The following SLC35F1 variants were observed in gnomAD, a reference collection of about 807,000 sequenced individuals.
The protein encoded by SLC35F1 is chromosome 6 open reading frame 169.
In SLC35F1, 14 loss-of-function variants were observed where a neutral mutation model predicts 48.7. That is an observed-to-expected ratio of 0.29 (90% confidence interval 0.19 to 0.45). The LOEUF is 0.45. SLC35F1 is among the 20% of genes least tolerant of loss of function. SLC35F1 has a pLI of 1.00. For missense variants in SLC35F1, 404 were observed against 500.0 expected (o/e 0.81, Z 1.83); for synonymous variants, 190 against 202.2 (o/e 0.94, Z 0.51).
At chr6:118,193,582 T>C (rs1424630977) in intron 2 of SLC35F1, among the ~76,000 whole-genome samples, 2 of 152,234 alleles carry the variant, frequency 1.3e-5, no homozygotes. Context: ...TACATTTTAC[T>C]TTCTTTACAT....
At chr6:117,988,575 G>C (rs2114855903) in intron 1 of SLC35F1, among the ~76,000 whole-genome samples, 1 of 152,194 alleles carries the variant, frequency 6.6e-6, no homozygotes, top group East Asian at 1.9e-4. Flanking sequence ...TGTGAAAGTT[G>C]TTTCAATGAT....
intron 1 of SLC35F1, among the ~76,000 whole-genome samples, chr6:117,998,669 A>G (rs970713115): frequency 6.6e-6 from 1 of 152,260 alleles, no homozygotes; most frequent in African/African-American, 2.4e-5. Context: ...CTGCTCCTGA[A>G]TGACTACTGG....
At chr6:118,030,917 A>G (rs1330940326) in intron 1 of SLC35F1, among the ~76,000 whole-genome samples, 2 of 152,176 alleles carry the variant, frequency 1.3e-5, no homozygotes, top group Non-Finnish European at 2.9e-5. Context: ...TTTTCATAAT[A>G]ATATGTAAAA....
intron 7 of SLC35F1, among the ~76,000 whole-genome samples, chr6:118,310,219 C>A (rs1466576964): frequency 2.0e-5 from 3 of 152,224 alleles, no homozygotes; most frequent in Non-Finnish European, 2.9e-5. Context: ...CCAATGGAGA[C>A]AGCCACCTTC....
intron 1 of SLC35F1, among the ~76,000 whole-genome samples, chr6:118,078,563 C>G (rs12207545): frequency 0.19 from 28,512 of 152,138 alleles, 2,943 homozygotes; most frequent in East Asian, 0.29. Context: ...TACAATTGAT[C>G]TTATTCTGTT....
intron 2 of SLC35F1, among the ~76,000 whole-genome samples, chr6:118,201,166 G>C (rs939607253): frequency 2.6e-5 from 4 of 152,198 alleles, no homozygotes; most frequent in African/African-American, 9.6e-5. Context: ...TATTGGCAGA[G>C]GGGGTGAAAT....
At chr6:118,163,179 G>T (rs1405257780) in intron 2 of SLC35F1, among the ~76,000 whole-genome samples, 1 of 151,874 alleles carries the variant, frequency 6.6e-6, no homozygotes. Context: ...GGCCAGGCTG[G>T]TTCTGAACTC....
chr6:118,160,893 C>T (rs1013000545), intron 2 of SLC35F1, among the ~76,000 whole-genome samples: 1 of 143,234 alleles, frequency 7.0e-6, no homozygotes. Context: ...AGAAAGTATC[C>T]TGCTATTTTT....
chr6:118,136,684 T>C (rs1265570991), intron 1 of SLC35F1, among the ~76,000 whole-genome samples: 1 of 152,212 alleles, frequency 6.6e-6, no homozygotes, highest in Non-Finnish European at 1.5e-5. Flanking sequence ...TAAGTATCAA[T>C]GACAGAGTGC....
At chr6:118,193,822 A>G (rs904609247) in intron 2 of SLC35F1, among the ~76,000 whole-genome samples, 2 of 152,250 alleles carry the variant, frequency 1.3e-5, no homozygotes, top group Non-Finnish European at 2.9e-5. Context: ...AAAGCAGGAA[A>G]GATGAACAAT....
intron 2 of SLC35F1, among the ~76,000 whole-genome samples, chr6:118,155,336 G>A (rs2114470273): frequency 6.6e-6 from 1 of 152,316 alleles, no homozygotes; most frequent in Admixed American, 6.5e-5. Context: ...TTGCCACTGT[G>A]ACAATATTAA....
intron 7 of SLC35F1, among the ~76,000 whole-genome samples, chr6:118,313,079 C>G (rs1179628269): frequency 5.9e-5 from 9 of 152,120 alleles, no homozygotes; most frequent in African/African-American, 2.4e-5. Flanking sequence ...TAGGCATCAA[C>G]ATATTTTTCA....
At chr6:118,216,079 GTT>G (rs780712153) in intron 2 of SLC35F1, among the ~76,000 whole-genome samples, 2,165 of 37,464 alleles carry the variant, frequency 0.058, 62 homozygotes, top group African/African-American at 0.15. Context: ...CTTGTTTTTT[GTT>G]TTTTGTTTTT....
At chr6:118,062,337 C>A (rs1197579648) in intron 1 of SLC35F1, among the ~76,000 whole-genome samples, 1 of 152,086 alleles carries the variant, frequency 6.6e-6, no homozygotes, top group African/African-American at 2.4e-5. Context: ...GTATTTGCAT[C>A]TATTTCAAAT....
At chr6:118,195,748 C>A (rs1352401338) in intron 2 of SLC35F1, among the ~76,000 whole-genome samples, 1 of 152,158 alleles carries the variant, frequency 6.6e-6, no homozygotes, top group Non-Finnish European at 1.5e-5. Flanking sequence ...CAGTTTGGAA[C>A]AGAAATTTGT....
At chr6:118,010,542 A>T (rs1286842768) in intron 1 of SLC35F1, among the ~76,000 whole-genome samples, 2 of 152,178 alleles carry the variant, frequency 1.3e-5, no homozygotes, top group Admixed American at 1.3e-4. Context: ...AGGCTATATC[A>T]ATACATAAAT....
At chr6:118,163,754 A>G (rs1229349307) in intron 2 of SLC35F1, among the ~76,000 whole-genome samples, 3 of 152,252 alleles carry the variant, frequency 2.0e-5, no homozygotes, top group Non-Finnish European at 4.4e-5. Flanking sequence ...TTCTGCCAAA[A>G]TAGTGCTTTG....
chr6:118,264,139 G>C (rs547272079), intron 3 of SLC35F1, among the ~76,000 whole-genome samples: 1 of 152,212 alleles, frequency 6.6e-6, no homozygotes, highest in Non-Finnish European at 1.5e-5. Flanking sequence ...CTCCAGGGGC[G>C]TTTGCAAATG....
chr6:117,908,743 A>C (rs1775727831), intron 1 of SLC35F1, among the ~76,000 whole-genome samples: 1 of 152,256 alleles, frequency 6.6e-6, no homozygotes, highest in Admixed American at 6.5e-5. Context: ...CTACTTAAGT[A>C]ACTTGAAATG....
Sources: gnomAD v4.1 joint callset for allele counts (sites outside exome capture counted in the v4.1 genomes callset) on GRCh38, gnomAD v4.1.1 for gene constraint, MANE v1.5 for transcripts, NCBI Gene and HGNC (gene_info 2026-07-23, HGNC 2026-07-21) for gene names.